The following PCM1 variants were observed in gnomAD, a reference collection of about 807,000 sequenced individuals.
PCM1 encodes the protein pericentriolar material 1 protein.
Under a neutral mutation model 241.9 loss-of-function variants are expected in PCM1, and 157 were observed. The ratio of observed to expected loss-of-function variants is 0.65; its 90% CI spans 0.57 to 0.74. PCM1 has a LOEUF of 0.74. PCM1 is among the 30% of genes least tolerant of loss of function. The probability of loss-of-function intolerance (pLI) is 0.00; values close to 1 mark genes in which losing one functional copy is unlikely to be tolerated. For missense variants in PCM1, 3,478 were observed against 2,360.1 expected, an observed-to-expected ratio of 1.47 and a Z score of -9.81; for synonymous variants, 1,085 against 784.9, an observed-to-expected ratio of 1.38 and a Z score of -6.39.
chr8:17,939,967 A>T, intron 6 of PCM1, 106 bp downstream of exon 6: 3 of 1,208,184 alleles, frequency 2.5e-6, no homozygotes, highest in Non-Finnish European at 3.5e-6. Context: ...TATTTTCAAA[A>T]AATCATGCCA....
chr8:17,949,333 C>G (rs208760), intron 7 of PCM1, among the ~76,000 whole-genome samples: 11,762 of 151,874 alleles, frequency 0.077, 673 homozygotes, highest in African/African-American at 0.16. Context: ...CACCATTTAA[C>G]TAACAAGTTA....
Position 17,963,223 on chromosome 8 carries a change from A to G in PCM1, c.2586A>G (p.Pro862=), listed in dbSNP as rs1367892148. The G allele has an allele frequency of 3.1e-6, 5 of 1,613,550 alleles. No individual in the cohort carries two copies. The highest frequency in any genetic ancestry group is 4.2e-6 in the Non-Finnish European group (5 of 1,179,732). Residue 862 remains proline (P), a synonymous_variant, in exon 17 of 39, where the codon CCA becomes CCG. Transcript: ENST00000325083. ...RRQGLAETAS[P]VAVSLRSDGS... is the part of the protein sequence containing the mutation. ...AAGGTCTAGCTGAAACTGCATCTCC[A>G]GTGGCTGTGTCATTGAGAAGTGATG...
chr8:17,931,188 C>CA (rs1465949096), intron 2 of PCM1, among the ~76,000 whole-genome samples: 2 of 152,084 alleles, frequency 1.3e-5, no homozygotes, highest in East Asian at 3.9e-4. Flanking sequence ...TAGTAGTGTT[C>CA]AAAGTCGTTA....
At chr8:18,004,561 G>A (rs1401107179) in intron 29 of PCM1, among the ~76,000 whole-genome samples, 2 of 152,114 alleles carry the variant, frequency 1.3e-5, no homozygotes, top group Non-Finnish European at 2.9e-5. Flanking sequence ...AAGTGTCTGA[G>A]GCCAGTAAAG....
intron 6 of PCM1, among the ~76,000 whole-genome samples, chr8:17,945,378 A>T (rs1027745166): frequency 6.6e-6 from 1 of 152,132 alleles, no homozygotes; most frequent in African/African-American, 2.4e-5. Flanking sequence ...AAAAACCTCT[A>T]ATAAATATTG....
intron 29 of PCM1, 82 bp from the exon 30 acceptor site, chr8:18,006,181 A>T: frequency 9.1e-7 from 1 of 1,098,858 alleles, no homozygotes; most frequent in Non-Finnish European, 1.2e-6. Flanking sequence ...ATTAAAAATT[A>T]ACATTTTGTA....
chr8:17,990,093 G>A, intron 27 of PCM1, 114 bp downstream of exon 27: 1 of 749,486 alleles, frequency 1.3e-6, no homozygotes, highest in Non-Finnish European at 2.0e-6. Flanking sequence ...GTGGTTGAAA[G>A]AATGTGGACT....
chr8:17,980,499 G>C, intron 23 of PCM1, 92 bp from the exon 24 acceptor site: 1 of 963,550 alleles, frequency 1.0e-6, no homozygotes, highest in South Asian at 2.0e-5. Context: ...ATTGTAAATT[G>C]AGTTACCTGT....
intron 7 of PCM1, among the ~76,000 whole-genome samples, chr8:17,948,183 T>C (rs2129456334): frequency 6.6e-6 from 1 of 152,152 alleles, no homozygotes; most frequent in South Asian, 2.1e-4. Flanking sequence ...CTGTTGTGAA[T>C]CAGTTTATTC....
chr8:18,006,924 G>T (rs1427114327), intron 30 of PCM1, among the ~76,000 whole-genome samples: 1 of 152,090 alleles, frequency 6.6e-6, no homozygotes, highest in Non-Finnish European at 1.5e-5. Flanking sequence ...AGGTAGGAGG[G>T]CTGAGAGGAG....
intron 23 of PCM1, chr8:17,980,340 C>T (rs895892932): frequency 1.7e-5 from 5 of 299,942 alleles, no homozygotes; most frequent in Non-Finnish European, 2.4e-5. Context: ...CCATATACTT[C>T]GAATTGGAAT....
At chr8:18,001,589 A>AAATGGATTT (rs2089445885) in intron 29 of PCM1, among the ~76,000 whole-genome samples, 3 of 152,210 alleles carry the variant, frequency 2.0e-5, no homozygotes, top group African/African-American at 7.2e-5. Flanking sequence ...TTACATTCTA[A>AAATGGATTT]TTTAAAATGG....
chr8:17,987,564 CG>C (rs1178565663), intron 26 of PCM1, among the ~76,000 whole-genome samples: 2 of 151,842 alleles, frequency 1.3e-5, no homozygotes, highest in African/African-American at 4.8e-5. Context: ...CTACTTGATA[CG>C]TAAGGACTTG....
intron 3 of PCM1, among the ~76,000 whole-genome samples, chr8:17,936,282 G>C (rs530298682): frequency 6.6e-6 from 1 of 152,106 alleles, no homozygotes; most frequent in African/African-American, 2.4e-5. Context: ...TAGTGTAACA[G>C]GTTGGCAGGA....
chr8:17,967,254 C>T (rs1303714607), intron 21 of PCM1, 84 bp downstream of exon 21: 3 of 944,756 alleles, frequency 3.2e-6, no homozygotes, highest in South Asian at 1.8e-5. Context: ...GATGTTTTAA[C>T]ATTTTCTTTT....
chr8:17,976,712 AC>A (rs1468146787), intron 23 of PCM1, among the ~76,000 whole-genome samples: 3 of 151,960 alleles, frequency 2.0e-5, no homozygotes, highest in Non-Finnish European at 4.4e-5. Context: ...TACTAATGTC[AC>A]CCCCTCATGC....
rs774956041 is a variant in PCM1, at chr8:17,962,053, G to C, written c.2342G>C (p.Gly781Ala). 16 of 1,610,748 alleles carry C rather than the reference G, an allele frequency of 9.9e-6. No individual in the cohort carries two copies. The East Asian group carries it at 3.3e-4, about 34-fold the overall frequency. ...TTTTAGCTGTCAGCTGCTAGTGTGG[G>C]TAACTGTCCCACCAAAAAATATATG... ...PDLQLSAASV[G>A]NCPTKKYMPA... Residue 781 changes from glycine (G) to alanine (A), a missense_variant, in exon 16 of 39, where the codon GGT (glycine) becomes GCT (alanine). Gly to Ala is a moderately conservative substitution (Grantham distance 60, BLOSUM62 0). Coordinates refer to ENST00000325083, the MANE Select transcript of PCM1 (RefSeq NM_006197.4).
intron 36 of PCM1, among the ~76,000 whole-genome samples, chr8:18,022,406 T>C (rs893101709): frequency 5.3e-5 from 8 of 152,200 alleles, no homozygotes; most frequent in South Asian, 2.1e-4. Context: ...ATAGCCACTC[T>C]CACTCAACCA....
At chr8:17,935,385 T>C (rs1442170417) in intron 2 of PCM1, among the ~76,000 whole-genome samples, 2 of 152,232 alleles carry the variant, frequency 1.3e-5, no homozygotes, top group African/African-American at 4.8e-5. Context: ...TTTCCTTCTC[T>C]GTCATTCCAA....
Sources: gnomAD v4.1 joint callset for allele counts (sites outside exome capture counted in the v4.1 genomes callset) on GRCh38, gnomAD v4.1.1 for gene constraint, MANE v1.5 for transcripts, NCBI Gene and HGNC (gene_info 2026-07-23, HGNC 2026-07-21) for gene names.